The following CDC42BPA variants were observed in gnomAD, a reference collection of about 807,000 sequenced individuals.
The protein encoded by CDC42BPA is serine/threonine-protein kinase MRCK alpha.
A neutral mutation model predicts 223.5 loss-of-function variants in CDC42BPA; 80 were observed. That is an observed-to-expected ratio of 0.36 (90% CI 0.30 to 0.43). The LOEUF (loss-of-function observed/expected upper bound fraction) is 0.43, where lower values mean the gene tolerates loss of function less well. Among genes scored for constraint, CDC42BPA ranks in the 20% least tolerant of loss-of-function variants. The pLI is 1.00. For synonymous variants in CDC42BPA, 694 were observed against 718.6 expected (o/e 0.97, Z 0.55); for missense variants, 1,743 against 2,099.9 (o/e 0.83, Z 3.32).
At chr1:227,210,386 A>G (rs1448539431) in intron 3 of CDC42BPA, among the ~76,000 whole-genome samples, 1 of 152,114 alleles carries the variant, frequency 6.6e-6, no homozygotes, top group African/African-American at 2.4e-5. Flanking sequence ...TAGCTGGTCT[A>G]CCTTATTCTC....
Position 227,021,847 on chromosome 1 carries a change from G to A in CDC42BPA, c.4615+1416C>T, listed in dbSNP as rs542523103. Reference sequence around the variant, plus strand: ...ATCCTGGCCAACATGGTGAAACCCCGTCTCTACTAAAAATACAAAAAAATT... The same window carrying A: ...ATCCTGGCCAACATGGTGAAACCCCATCTCTACTAAAAATACAAAAAAATT... On this transcript the variant is annotated intron_variant, in intron 32 of 36. Transcript: ENST00000366766. Among the ~76,000 whole-genome samples the A allele has an allele frequency of 9.4e-4, 142 of 151,090 alleles. 1 individual carries two copies. The highest frequency in any genetic ancestry group is 3.1e-3 in the African/African-American group (129 of 41,172).
chr1:226,995,674 G>A (rs559770548), intron 35 of CDC42BPA, among the ~76,000 whole-genome samples: 1 of 152,302 alleles, frequency 6.6e-6, no homozygotes, highest in Admixed American at 6.5e-5. Flanking sequence ...TCAGAGTTGG[G>A]GTAGGTAACA....
intron 17 of CDC42BPA, among the ~76,000 whole-genome samples, chr1:227,080,678 T>C (rs1438106481): frequency 1.3e-5 from 2 of 152,198 alleles, no homozygotes; most frequent in South Asian, 2.1e-4. Context: ...TAAATGCTGG[T>C]ATGGGACATT....
chr1:227,001,635 G>A (rs967456146), intron 35 of CDC42BPA, among the ~76,000 whole-genome samples: 5 of 152,188 alleles, frequency 3.3e-5, no homozygotes, highest in African/African-American at 9.7e-5. Context: ...GGCTGGGCGC[G>A]GTGGGTCACG....
In CDC42BPA at chr1:227,099,062, A is replaced by AT. The variant is rs1006409252; in HGVS notation, c.2249+1929dup. ...ACTGTTTTAAGTACTAATGTAAAGC[A>AT]TTACTCACGTGTATGTGGTGATGTC... is the stretch of plus-strand genomic sequence containing the variant. On this transcript the variant is annotated intron_variant, in intron 15 of 36. Transcript: ENST00000366766. 4.6e-5 allele frequency among the ~76,000 whole-genome samples: 7 copies of AT among 152,108 alleles called. No individual in the cohort carries two copies. The East Asian group carries it at 5.8e-4, about 13-fold the overall frequency.
intron 30 of CDC42BPA, among the ~76,000 whole-genome samples, chr1:227,028,396 G>A (rs1316490611): frequency 6.6e-6 from 1 of 152,112 alleles, no homozygotes. Flanking sequence ...ATATGATGTG[G>A]GGTAAAAAAT....
chr1:227,035,086 T>G (rs995093435), intron 25 of CDC42BPA, among the ~76,000 whole-genome samples: 1 of 152,168 alleles, frequency 6.6e-6, no homozygotes, highest in Admixed American at 6.5e-5. Flanking sequence ...TCTTTCTAAA[T>G]AGCATAAAAG....
At chr1:227,299,565 TAA>T (rs1260479592) in intron 1 of CDC42BPA, among the ~76,000 whole-genome samples, 1 of 152,212 alleles carries the variant, frequency 6.6e-6, no homozygotes, top group African/African-American at 2.4e-5. Flanking sequence ...ATACACTGAT[TAA>T]TATCTGCTTT....
rs1553350226 is a variant in CDC42BPA at position 227,126,517 on chromosome 1, AAGGT to A, written c.1513+2588_1513+2591del. Among the ~76,000 whole-genome samples, 108 of 91,684 alleles carry A rather than the reference AAGGT, an allele frequency of 1.2e-3. 1 individual carries two copies. The highest frequency in any genetic ancestry group is 3.6e-3 in the African/African-American group (86 of 23,600). The allele number at this position is 91,684 out of a possible 152,430, so 60.1% of individuals were successfully genotyped here. On this transcript the variant is annotated intron_variant, in intron 11 of 36. Transcript: ENST00000366766. Reference sequence around the variant, plus strand: ...GAAGGAAGGAAGGAAGGAAGGAAGGAAGGTAAGAAAGGAAAAAGAAGAAAAAAAA... The same window carrying A: ...GAAGGAAGGAAGGAAGGAAGGAAGGAAAGAAAGGAAAAAGAAGAAAAAAAA...
Position 227,104,025 on chromosome 1 carries a change from A to G in CDC42BPA, c.2002-2786T>C, listed in dbSNP as rs141059015. Among the ~76,000 whole-genome samples, 1,000 of 152,254 alleles carry G rather than the reference A, an allele frequency of 6.6e-3. 26 individuals are homozygous for G. Among genetic ancestry groups the G allele is most frequent in the Admixed American group, 0.04 (616 of 15,274 alleles). ...AATTGGTTAAATAGTTGCTGAAAAC[A>G]CTTCAAAAAGTAAAATTTTTACTGT... On this transcript the variant is annotated intron_variant, in intron 14 of 36. Transcript: ENST00000366766.
chr1:227,155,544 C>T (rs1381349706), intron 6 of CDC42BPA, among the ~76,000 whole-genome samples: 4 of 151,938 alleles, frequency 2.6e-5, no homozygotes, highest in African/African-American at 7.3e-5. Flanking sequence ...GTCTCTAGAA[C>T]GAACAGTCCA....
chr1:227,262,521 T>C (rs577222524), intron 1 of CDC42BPA, among the ~76,000 whole-genome samples: 99 of 152,314 alleles, frequency 6.5e-4, no homozygotes, highest in African/African-American at 2.4e-3. Context: ...AAAATGTTGC[T>C]AGATGCCTCA....
At position 227,080,890 on chromosome 1, in the gene CDC42BPA, C is replaced by G. The variant is rs745645091; in HGVS notation, c.2480+3G>C. The G allele has an allele frequency of 6.2e-7, 1 of 1,613,438 alleles. No individual in the cohort carries two copies. The highest frequency in any genetic ancestry group is 8.5e-7 in the Non-Finnish European group (1 of 1,179,812). On this transcript the variant is annotated splice_donor_region_variant and intron_variant, in intron 17 of 36. Coordinates refer to ENST00000366766, the MANE Select transcript of CDC42BPA (RefSeq NM_001394014.1). ...ACAAAAAAACGTTTAAAAGAGCACT[C>G]ACCACTGAATTATTTCTGTGATTTG... is the stretch of plus-strand genomic sequence containing the variant.
intron 1 of CDC42BPA, among the ~76,000 whole-genome samples, chr1:227,277,078 TAA>T (rs199895591): frequency 4.9e-4 from 52 of 105,066 alleles, no homozygotes; most frequent in African/African-American, 1.5e-3. Flanking sequence ...CAATAAATAC[TAA>T]AAAAAAAAAA....
intron 5 of CDC42BPA, among the ~76,000 whole-genome samples, chr1:227,174,122 G>A (rs559742928): frequency 3.9e-4 from 60 of 152,180 alleles, no homozygotes; most frequent in African/African-American, 1.4e-3. Flanking sequence ...AACTTACAAT[G>A]GTTCAAATTA....
chr1:227,150,652 T>C (rs965970179), intron 6 of CDC42BPA, among the ~76,000 whole-genome samples: 4 of 152,032 alleles, frequency 2.6e-5, no homozygotes, highest in Admixed American at 1.3e-4. Context: ...ACAAAGATAT[T>C]AGTAAACTTT....
intron 31 of CDC42BPA, among the ~76,000 whole-genome samples, chr1:227,025,336 C>A: frequency 6.6e-6 from 1 of 152,190 alleles, no homozygotes; most frequent in East Asian, 1.9e-4. Flanking sequence ...TTTAGATAAT[C>A]TGGCAGTATT....
chr1:227,158,188 G>T (rs947396531), intron 6 of CDC42BPA, among the ~76,000 whole-genome samples: 1 of 152,056 alleles, frequency 6.6e-6, no homozygotes, highest in Admixed American at 6.5e-5. Context: ...TCAAACTCCT[G>T]ACCTCAGGTG....
At chr1:227,171,026 C>A (rs1451746331) in intron 5 of CDC42BPA, among the ~76,000 whole-genome samples, 1 of 152,104 alleles carries the variant, frequency 6.6e-6, no homozygotes, top group Non-Finnish European at 1.5e-5. Flanking sequence ...TTGCAAATAA[C>A]GTGGCAGCCA....
Sources: gnomAD v4.1 joint callset for allele counts (sites outside exome capture counted in the v4.1 genomes callset) on GRCh38, gnomAD v4.1.1 for gene constraint, MANE v1.5 for transcripts, NCBI Gene and HGNC (gene_info 2026-07-23, HGNC 2026-07-21) for gene names.